The following GRM7 variants were observed in gnomAD, a reference collection of about 807,000 sequenced individuals.
GRM7 encodes glutamate metabotropic receptor 7.
GRM7 carries 35 observed loss-of-function variants against 84.5 expected under a neutral mutation model. The ratio of observed to expected loss-of-function variants is 0.41; its 90% CI spans 0.32 to 0.55. The LOEUF is 0.55. Ranked by LOEUF, GRM7 falls within the 20% of genes least tolerant of loss-of-function variation. The pLI is 0.19. For missense variants in GRM7, 1,003 were observed against 1,194.6 expected (o/e 0.84, Z 2.36); for synonymous variants, 487 against 455.1 (o/e 1.07, Z -0.89).
intron 5 of GRM7, among the ~76,000 whole-genome samples, chr3:7,431,713 CGTG>C (rs1359149590): frequency 4.6e-5 from 7 of 152,056 alleles, no homozygotes; most frequent in Non-Finnish European, 7.4e-5. Flanking sequence ...ATGAATGTAA[CGTG>C]GTGAGGACAG....
chr3:7,215,091 A>C (rs1696557340), intron 2 of GRM7, among the ~76,000 whole-genome samples: 1 of 152,232 alleles, frequency 6.6e-6, no homozygotes, highest in African/African-American at 2.4e-5. Context: ...CAAGGTGGTG[A>C]CATATTTAGT....
chr3:7,594,786 T>C (rs1197073083), intron 8 of GRM7, among the ~76,000 whole-genome samples: 1 of 151,952 alleles, frequency 6.6e-6, no homozygotes, highest in Non-Finnish European at 1.5e-5. Context: ...TTCTTAAAGC[T>C]CAGGGCCCCC....
At chr3:7,147,441 T>C (rs765173171) in intron 2 of GRM7, among the ~76,000 whole-genome samples, 1 of 152,166 alleles carries the variant, frequency 6.6e-6, no homozygotes, top group Non-Finnish European at 1.5e-5. Context: ...TCTTCTTATG[T>C]TGAAATGGGT....
chr3:6,961,157 T>C (rs1364457150), intron 1 of GRM7, among the ~76,000 whole-genome samples: 2 of 152,180 alleles, frequency 1.3e-5, no homozygotes, highest in Admixed American at 6.5e-5. Flanking sequence ...AAATATCCTA[T>C]AACTTATTAT....
At chr3:7,041,234 A>T (rs79000042) in intron 1 of GRM7, among the ~76,000 whole-genome samples, 2,301 of 152,320 alleles carry the variant, frequency 0.015, 48 homozygotes, top group African/African-American at 0.052. Context: ...CACAATCAAG[A>T]TAACAAGCAT....
chr3:7,354,066 A>G (rs1693278929), intron 4 of GRM7, among the ~76,000 whole-genome samples: 1 of 149,312 alleles, frequency 6.7e-6, no homozygotes, highest in African/African-American at 2.5e-5. Context: ...TTATAGACCC[A>G]GAATCCCTGG....
intron 1 of GRM7, among the ~76,000 whole-genome samples, chr3:7,122,796 C>T (rs1693268431): frequency 6.6e-6 from 1 of 152,164 alleles, no homozygotes. Context: ...CCATCAGACA[C>T]AAATAACTTT....
At position 7,350,009 on chromosome 3, in the gene GRM7, A is replaced by G. The variant is rs368837417; in HGVS notation, c.1033+43357A>G. Among the ~76,000 whole-genome samples the G allele has an allele frequency of 2.6e-5, 4 of 151,860 alleles. No individual in the cohort carries two copies. The East Asian group carries it at 5.8e-4, about 22-fold the overall frequency. ...TCCAGAGCATATTTTCTTGACTTCCACCTGTGTTGTTGGAAATACAGGCCT... is the reference window on the plus strand; with the variant it reads ...TCCAGAGCATATTTTCTTGACTTCCGCCTGTGTTGTTGGAAATACAGGCCT... On this transcript the variant is annotated intron_variant, in intron 4 of 9. Transcript: ENST00000357716.
intron 7 of GRM7, among the ~76,000 whole-genome samples, chr3:7,567,465 T>C (rs2125042228): frequency 6.6e-6 from 1 of 152,184 alleles, no homozygotes; most frequent in South Asian, 2.1e-4. Flanking sequence ...GACCCAAACT[T>C]GGCCAGGGGC....
intron 1 of GRM7, among the ~76,000 whole-genome samples, chr3:6,872,880 T>TG (rs1695173389): frequency 6.6e-6 from 1 of 152,202 alleles, no homozygotes; most frequent in South Asian, 2.1e-4. Flanking sequence ...GCATTTGGGT[T>TG]GTTCCAAGTC....
At chr3:7,103,170 C>T (rs1248394474) in intron 1 of GRM7, among the ~76,000 whole-genome samples, 1 of 151,742 alleles carries the variant, frequency 6.6e-6, no homozygotes, top group Non-Finnish European at 1.5e-5. Flanking sequence ...TATTATCTTT[C>T]TTTTAAGAAT....
intron 2 of GRM7, among the ~76,000 whole-genome samples, chr3:7,268,645 A>G (rs913944422): frequency 1.3e-5 from 2 of 152,116 alleles, no homozygotes; most frequent in African/African-American, 4.8e-5. Context: ...TTGTAGAGAG[A>G]AAAGGGCCTA....
chr3:7,709,238 G>T (rs1001208055), intron 9 of GRM7, among the ~76,000 whole-genome samples: 3 of 151,968 alleles, frequency 2.0e-5, no homozygotes, highest in Non-Finnish European at 2.9e-5. Context: ...ACAAATATAA[G>T]AATATAATTC....
chr3:7,475,198 G>A (rs1172973107), intron 7 of GRM7, among the ~76,000 whole-genome samples: 1 of 152,178 alleles, frequency 6.6e-6, no homozygotes, highest in Admixed American at 6.5e-5. Context: ...TAACAAATGT[G>A]TTCTTGATTT....
intron 1 of GRM7, among the ~76,000 whole-genome samples, chr3:7,007,633 G>A (rs1695227899): frequency 6.6e-6 from 1 of 152,122 alleles, no homozygotes; most frequent in South Asian, 2.1e-4. Flanking sequence ...TCCTGTCTGA[G>A]TTTGCTCTGC....
intron 8 of GRM7, among the ~76,000 whole-genome samples, chr3:7,583,881 G>T (rs1381792913): frequency 6.6e-6 from 1 of 152,200 alleles, no homozygotes; most frequent in African/African-American, 2.4e-5. Context: ...GTTAAGGACT[G>T]TGATGCAGAG....
chr3:7,634,993 C>G (rs953935686), intron 8 of GRM7, among the ~76,000 whole-genome samples: 1 of 152,124 alleles, frequency 6.6e-6, no homozygotes, highest in Non-Finnish European at 1.5e-5. Flanking sequence ...GTACATGGAT[C>G]AGCACTGCCC....
chr3:6,983,611 C>T (rs1333387662), intron 1 of GRM7, among the ~76,000 whole-genome samples: 1 of 152,070 alleles, frequency 6.6e-6, no homozygotes, highest in South Asian at 2.1e-4. Flanking sequence ...CATAAACTTT[C>T]ATGTTTTGCC....
intron 7 of GRM7, among the ~76,000 whole-genome samples, chr3:7,570,133 G>T (rs1694571723): frequency 6.6e-6 from 1 of 152,134 alleles, no homozygotes; most frequent in Non-Finnish European, 1.5e-5. Context: ...CATGGAAATT[G>T]TGGGGTTTAC....
Sources: allele counts gnomAD v4.1 joint callset (sites outside exome capture counted in the v4.1 genomes callset), GRCh38; gene constraint gnomAD v4.1.1; transcripts MANE v1.5; gene names NCBI Gene and HGNC (gene_info 2026-07-23, HGNC 2026-07-21).